The following RASEF variants were observed in gnomAD, a reference collection of about 807,000 sequenced individuals.
RASEF encodes RAS and EF-hand domain containing, also known as ras and EF-hand domain-containing protein.
In RASEF, 68 loss-of-function variants were observed where a neutral mutation model predicts 90.1. The ratio of observed to expected loss-of-function variants is 0.75; its 90% CI spans 0.62 to 0.92. The LOEUF is 0.92. Ranked by LOEUF, RASEF falls within the 40% of genes least tolerant of loss-of-function variation. RASEF has a pLI of 0.00. For missense variants in RASEF, 949 were observed against 937.2 expected, an observed-to-expected ratio of 1.01 and a Z score of -0.16; for synonymous variants, 331 against 345.2, an observed-to-expected ratio of 0.96 and a Z score of 0.46.
At chr9:83,048,223 A>T (rs936080747) in intron 1 of RASEF, 1 of 985,304 alleles carries the variant, frequency 1.0e-6, no homozygotes, top group Admixed American at 6.1e-5. Flanking sequence ...AGGGACCGGC[A>T]GTCCTATTGA....
the RASEF span, among the ~76,000 whole-genome samples, chr9:83,205,880 G>C: frequency 6.6e-6 from 1 of 152,132 alleles, no homozygotes; most frequent in Non-Finnish European, 1.5e-5. Context: ...ACACCGTATA[G>C]ACATTTCCTA....
chr9:83,111,597 C>T, the RASEF span, among the ~76,000 whole-genome samples: 1 of 152,012 alleles, frequency 6.6e-6, no homozygotes. Context: ...CAAAACATAA[C>T]ATTGTTCACC....
chr9:83,081,081 G>A, the RASEF span, among the ~76,000 whole-genome samples: 1 of 152,024 alleles, frequency 6.6e-6, no homozygotes, highest in Non-Finnish European at 1.5e-5. Context: ...TCATGCCCAC[G>A]ATGATCCTCA....
chr9:83,076,519 T>A, the RASEF span, among the ~76,000 whole-genome samples: 4 of 152,184 alleles, frequency 2.6e-5, no homozygotes, highest in Admixed American at 2.6e-4. Flanking sequence ...GCCATGCCTT[T>A]ACAGAAGATT....
the RASEF span, among the ~76,000 whole-genome samples, chr9:83,129,033 C>A: frequency 1.3e-5 from 2 of 152,224 alleles, no homozygotes; most frequent in Admixed American, 6.5e-5. Context: ...GGTCAGTTAT[C>A]TTTAAACAAA....
At chr9:83,144,412 G>GAAAGAAAGAAAGAAAGAAAGAAAGA in the RASEF span, among the ~76,000 whole-genome samples, 102 of 122,834 alleles carry the variant, frequency 8.3e-4, 1 homozygote, top group Non-Finnish European at 1.5e-3. Flanking sequence ...AAGAAAGAAA[G>GAAAGAAAGAAAGAAAGAAAGAAAGA]AAAGAAAAGA....
chr9:83,205,681 A>G, the RASEF span, among the ~76,000 whole-genome samples: 1 of 152,216 alleles, frequency 6.6e-6, no homozygotes, highest in South Asian at 2.1e-4. Context: ...CCCTTGGTAC[A>G]GTATCTTACA....
the RASEF span, among the ~76,000 whole-genome samples, chr9:83,092,613 G>A: frequency 6.6e-6 from 1 of 152,154 alleles, no homozygotes; most frequent in Non-Finnish European, 1.5e-5. Context: ...CCCAAAGAGT[G>A]AGCAGTAGCG....
At chr9:83,066,594 G>T (rs1480594066), upstream of RASEF, among the ~76,000 whole-genome samples, 1 of 152,198 alleles carries the variant, frequency 6.6e-6, no homozygotes, top group Middle Eastern at 3.2e-3. Flanking sequence ...TAGTAGGTAA[G>T]GAGAGCTTGC....
At chr9:82,992,867 C>T (rs374380263) in intron 15 of RASEF, 39 bp downstream of exon 15, 227 of 1,606,618 alleles carry the variant, frequency 1.4e-4, no homozygotes, top group Non-Finnish European at 1.8e-4. Flanking sequence ...CCATTAAACC[C>T]CATGTTCTCT....
intron 1 of RASEF, among the ~76,000 whole-genome samples, chr9:83,030,491 A>T (rs969413668): frequency 4.6e-5 from 7 of 152,250 alleles, no homozygotes; most frequent in Non-Finnish European, 8.8e-5. Context: ...AAGAAACATA[A>T]TGATTTGTAA....
chr9:83,048,704 T>C (rs1444277630), intron 1 of RASEF: 1 of 985,288 alleles, frequency 1.0e-6, no homozygotes, highest in African/African-American at 1.7e-5. Context: ...ATGCCCTCAA[T>C]TTAAATGACA....
chr9:83,190,251 C>T, the RASEF span, among the ~76,000 whole-genome samples: 1 of 152,132 alleles, frequency 6.6e-6, no homozygotes, highest in African/African-American at 2.4e-5. Flanking sequence ...AGCATCTAAA[C>T]TATATGTACA....
chr9:83,162,099 A>G, the RASEF span, among the ~76,000 whole-genome samples: 1 of 152,022 alleles, frequency 6.6e-6, no homozygotes, highest in African/African-American at 2.4e-5. Context: ...TTTAATACAG[A>G]AAAAAAATAG....
chr9:83,077,250 C>T, the RASEF span, among the ~76,000 whole-genome samples: 1 of 152,132 alleles, frequency 6.6e-6, no homozygotes, highest in Non-Finnish European at 1.5e-5. Context: ...TCAACATTCT[C>T]TTATCATCTA....
chr9:83,081,628 G>T, the RASEF span, among the ~76,000 whole-genome samples: 3 of 152,190 alleles, frequency 2.0e-5, no homozygotes, highest in African/African-American at 7.2e-5. Flanking sequence ...TCTCTCAAAT[G>T]ATTCAACCAC....
the RASEF span, among the ~76,000 whole-genome samples, chr9:83,081,766 T>C: frequency 6.6e-6 from 1 of 152,178 alleles, no homozygotes. Context: ...AACAAGGAGA[T>C]ACCAGCATCT....
chr9:83,121,061 A>G, the RASEF span, among the ~76,000 whole-genome samples: 1 of 152,168 alleles, frequency 6.6e-6, no homozygotes. Flanking sequence ...GAGCAGATTT[A>G]ATTTTTGCTT....
chr9:83,091,794 A>G, the RASEF span, among the ~76,000 whole-genome samples: 1 of 152,070 alleles, frequency 6.6e-6, no homozygotes, highest in East Asian at 1.9e-4. Flanking sequence ...TCTTCCAGGG[A>G]ATTACCAGAC....
Sources: gnomAD v4.1 joint callset for allele counts (sites outside exome capture counted in the v4.1 genomes callset) on GRCh38, gnomAD v4.1.1 for gene constraint, MANE v1.5 for transcripts, NCBI Gene and HGNC (gene_info 2026-07-23, HGNC 2026-07-21) for gene names.